Variants in PLEC observed in about 807,000 individuals in gnomAD.
PLEC encodes plectin.
In PLEC, 216 loss-of-function variants were observed where a neutral mutation model predicts 392.8. The observed-to-expected ratio is 0.55, with a 90% CI of 0.49 to 0.62. PLEC has a LOEUF of 0.62. Ranked by LOEUF, PLEC falls within the 20% of genes least tolerant of loss-of-function variation. PLEC has a pLI of 0.00. For missense variants in PLEC, 6,863 were observed against 6,563.4 expected (o/e 1.05, Z -1.58); for synonymous variants, 3,621 against 2,980.6 (o/e 1.21, Z -7.00).
chr8:143,961,128 T>G (rs1832853096), intron 1 of PLEC, among the ~76,000 whole-genome samples: 1 of 152,260 alleles, frequency 6.6e-6, no homozygotes, highest in South Asian at 2.1e-4. Context: ...CAACAGAACC[T>G]AGAAATCCAG....
chr8:143,949,090 G>GC (rs1343610482), intron 1 of PLEC, among the ~76,000 whole-genome samples: 1 of 152,208 alleles, frequency 6.6e-6, no homozygotes, highest in Non-Finnish European at 1.5e-5. Flanking sequence ...CCCAAGGCAA[G>GC]CCCCTAACAA....
rs1219584019 is a variant in PLEC, at chr8:143,932,934, C to T, written c.1596G>A (p.Val532=). 1 of 1,612,574 alleles carries T rather than the reference C, an allele frequency of 6.2e-7. No homozygotes were observed. Among genetic ancestry groups the T allele is most frequent in the Non-Finnish European group, 8.5e-7 (1 of 1,179,936 alleles). ...LRYLQDLLAW[V]EENQHRVDGA... ...CATCCACACGGTGCTGGTTCTCCTC[C>T]ACCCAGGCCAGCAGGTCCTGCAGGT... The change falls in exon 14 of 32, where the codon GTG becomes GTA. Residue 532 remains valine, a synonymous_variant. Coordinates refer to ENST00000345136, the MANE Select transcript of PLEC (RefSeq NM_201384.3).
At chr8:143,950,646 G>T in exon 1 of PLEC, 1 of 1,590,814 alleles carries the variant, frequency 6.3e-7, no homozygotes, top group Non-Finnish European at 8.5e-7. Flanking sequence ...ACGCCCTCGC[G>T]GAAGAGCACC....
At chr8:143,952,995 C>G (rs138545177), upstream of PLEC, among the ~76,000 whole-genome samples, 10 of 64,648 alleles carry the variant, frequency 1.5e-4, no homozygotes, top group East Asian at 8.1e-4. Context: ...TGCGCCACCC[C>G]CCCCCGCCTC....
At chr8:143,937,720 C>T (rs1005990940) in intron 3 of PLEC, 31 of 489,866 alleles carry the variant, frequency 6.3e-5, no homozygotes, top group Admixed American at 1.2e-4. Flanking sequence ...GCTCCCGTGC[C>T]GCTGCAGCCG....
Position 143,925,508 on chromosome 8 carries a change from T to A in PLEC, c.4421A>T (p.Glu1474Val). 6.3e-7 allele frequency: 1 copy of A among 1,595,026 alleles called. No homozygotes were observed. Among genetic ancestry groups the A allele is most frequent in the East Asian group, 2.2e-5 (1 of 44,774 alleles). Residue 1474 changes from glutamate (E) to valine (V), a missense_variant, in exon 31 of 32, where the codon GAG becomes GTG. Transcript: ENST00000345136. ...CGCCCGTGCACGCAGTGCCTGCAGCTCCCCCTCAGCCCCGCCACGCTGGCG... is the reference window on the plus strand; with the variant it reads ...CGCCCGTGCACGCAGTGCCTGCAGCACCCCCTCAGCCCCGCCACGCTGGCG... ...TERQRGGAEGELQALRARAEE... is the reference protein window; with the variant it reads ...TERQRGGAEGVLQALRARAEE...
intron 1 of PLEC, chr8:143,945,220 G>A (rs782606668): frequency 4.5e-5 from 22 of 491,534 alleles, no homozygotes; most frequent in Admixed American, 6.8e-5. Context: ...GCAGGCCAGA[G>A]ACCCAGGCAG....
intron 25 of PLEC, 36 bp downstream of exon 25, chr8:143,929,067 G>T (rs900132828): frequency 6.5e-7 from 1 of 1,542,294 alleles, no homozygotes; most frequent in Non-Finnish European, 8.8e-7. Flanking sequence ...CCCCCCAGCC[G>T]ACCCCAGCCC....
intron 1 of PLEC, among the ~76,000 whole-genome samples, chr8:143,963,792 G>GCCA (rs1832966343): frequency 1.3e-5 from 2 of 149,282 alleles, no homozygotes; most frequent in Non-Finnish European, 3.0e-5. Context: ...ACAGCCATGT[G>GCCA]CCACCACACC....
intron 1 of PLEC, 28 bp downstream of exon 1, chr8:143,939,322 C>G: frequency 6.3e-7 from 1 of 1,599,148 alleles, no homozygotes; most frequent in Non-Finnish European, 8.5e-7. Context: ...CCCTGCCTGG[C>G]GGGGGTGCCC....
intron 18 of PLEC, 88 bp downstream of exon 18, chr8:143,931,849 G>A: frequency 7.0e-7 from 1 of 1,425,008 alleles, no homozygotes; most frequent in South Asian, 1.2e-5. Flanking sequence ...GCAGACAGGA[G>A]GGCTCCTGAT....
In PLEC at chr8:143,923,213, T is replaced by A. The variant is rs781844294; in HGVS notation, c.6716A>T (p.Glu2239Val). 11 of 1,602,908 alleles carry A rather than the reference T, an allele frequency of 6.9e-6. No individual in the cohort carries two copies. The East Asian group carries it at 2.0e-4, about 29-fold the overall frequency. ...GATGCGTGCCTTGAGCTTGCTCAGC[T>A]CCTCCATCTGCACGCGCACCGAGAA... ...ELFSVRVQME[E>V]LSKLKARIEA... The change falls in exon 31 of 32, where the codon GAG becomes GTG. Residue 2239 changes from glutamate (E) to valine (V), a missense_variant. Transcript: ENST00000345136.
rs1554667891 is a variant in PLEC at position 143,916,032 on chromosome 8, A to T, written c.*145T>A. ...GATACAGGCTGTCTGGACAGCAGAT[A>T]TATATTAATATATTAGTCTGGTCTT... On this transcript the variant is annotated 3_prime_UTR_variant, in exon 32 of 32. Transcript: ENST00000345136. 1 of 571,892 alleles carries T rather than the reference A, an allele frequency of 1.7e-6. No individual in the cohort carries two copies. The highest frequency in any genetic ancestry group is 3.1e-5 in the East Asian group (1 of 31,900). 35.4% of individuals were successfully genotyped at this position (571,892 alleles called of 1,614,324 possible).
chr8:143,943,484 ACGG>A (rs1220286867), upstream of PLEC, among the ~76,000 whole-genome samples: 7 of 152,158 alleles, frequency 4.6e-5, no homozygotes, highest in African/African-American at 1.7e-4. Context: ...TGTCCCTGCC[ACGG>A]CGGCTGCCAC....
At chr8:143,936,842 G>T in intron 5 of PLEC, 137 bp downstream of exon 5, 1 of 706,934 alleles carries the variant, frequency 1.4e-6, no homozygotes, top group East Asian at 2.5e-5. Flanking sequence ...AGGCACCCAG[G>T]TGCCACCATA....
At chr8:143,961,951 C>T (rs1160957505) in intron 1 of PLEC, among the ~76,000 whole-genome samples, 1 of 152,152 alleles carries the variant, frequency 6.6e-6, no homozygotes, top group Non-Finnish European at 1.5e-5. Context: ...GGATTACAGG[C>T]ATGTGCCACC....
chr8:143,930,895 G>A (rs1029795394), intron 19 of PLEC, among the ~76,000 whole-genome samples: 27 of 152,092 alleles, frequency 1.8e-4, no homozygotes, highest in Admixed American at 9.2e-4. Flanking sequence ...GCCGCAGGAC[G>A]GCACACACCT....
At chr8:143,958,885 T>G (rs1428134406), upstream of PLEC, 1 of 227,114 alleles carries the variant, frequency 4.4e-6, no homozygotes, top group Non-Finnish European at 9.5e-6. The surrounding 1 kb of genome is among the most constrained non-coding windows in gnomAD (Gnocchi z 4.9). Flanking sequence ...AGAGAAGAAA[T>G]GAATTCCTGG....
chr8:143,925,145 G>C lies in PLEC; in HGVS notation c.4784C>G (p.Ser1595Cys). ...CACAGCCACGTGTTCCTCCTGCAGG[G>C]AGCGCTCCAGCTGTGCCGTCTTCTC... ...FAEKTAQLER[S>C]LQEEHVAVAQ... The change falls in exon 31 of 32, where the codon TCC becomes TGC. Residue 1595 changes from serine (S) to cysteine (C), a missense_variant. Physicochemically the swap from Ser to Cys is moderately radical, Grantham distance 112 (BLOSUM62 -1). Transcript: ENST00000345136. 1 of 1,558,200 alleles carries C rather than the reference G, an allele frequency of 6.4e-7. No homozygotes were observed. Among genetic ancestry groups the C allele is most frequent in the East Asian group, 2.4e-5 (1 of 42,156 alleles).
Sources: gnomAD v4.1 joint callset for allele counts (sites outside exome capture counted in the v4.1 genomes callset) on GRCh38, gnomAD v4.1.1 for gene constraint, Gnocchi (gnomAD v3.1) non-coding constraint, MANE v1.5 for transcripts, NCBI Gene and HGNC (gene_info 2026-07-23, HGNC 2026-07-21) for gene names.